Variants in TBC1D5 observed in about 807,000 individuals in gnomAD.
TBC1D5 encodes TBC1 domain family, member 5.
In TBC1D5, 75 loss-of-function variants were observed where a neutral mutation model predicts 100.3. The observed-to-expected ratio is 0.75, with a 90% confidence interval of 0.62 to 0.91. The LOEUF (loss-of-function observed/expected upper bound fraction) is 0.91, where lower values mean the gene tolerates loss of function less well. Among genes scored for constraint, TBC1D5 ranks in the 40% least tolerant of loss-of-function variants. The pLI, the probability that TBC1D5 is intolerant of heterozygous loss-of-function variation, is 0.00. For synonymous variants in TBC1D5, 323 were observed against 325.6 expected, an observed-to-expected ratio of 0.99 and a Z score of 0.09; for missense variants, 910 against 942.4, an observed-to-expected ratio of 0.97 and a Z score of 0.45.
chr3:17,552,256 A>G (rs570573094), intron 2 of TBC1D5, among the ~76,000 whole-genome samples: 1 of 152,274 alleles, frequency 6.6e-6, no homozygotes, highest in East Asian at 1.9e-4. Context: ...AAGCAAAGGA[A>G]CTAACATGGC....
chr3:17,650,336 A>T (rs978538393), intron 1 of TBC1D5, among the ~76,000 whole-genome samples: 1 of 152,186 alleles, frequency 6.6e-6, no homozygotes, highest in Non-Finnish European at 1.5e-5. Flanking sequence ...AAGAGAAAAA[A>T]GATGAAAAAG....
rs143373075 is a variant in TBC1D5, at chr3:17,606,607, G to A, written c.-36+17242C>T. 8.5e-5 allele frequency among the ~76,000 whole-genome samples: 13 copies of A among 152,184 alleles called. No homozygotes were observed. The East Asian group carries it at 2.5e-3, about 29-fold the overall frequency. On this transcript the variant is annotated intron_variant, in intron 2 of 21. Transcript: ENST00000253692. ...TAGAATATATAAATAAAAATTAGCA[G>A]CATAAGAAATGCTTAATTCAATATA...
At chr3:17,264,524 C>T (rs2078656955) in intron 15 of TBC1D5, among the ~76,000 whole-genome samples, 1 of 152,154 alleles carries the variant, frequency 6.6e-6, no homozygotes, top group Non-Finnish European at 1.5e-5. Context: ...AAAGTACCAG[C>T]AGGAGTTAAT....
chr3:17,664,973 G>A (rs1407208922), intron 1 of TBC1D5: 2 of 140,172 alleles, frequency 1.4e-5, no homozygotes, highest in Admixed American at 7.9e-5. Flanking sequence ...AAAGGTTACA[G>A]GCTCTTTTAG....
chr3:17,469,110 T>C (rs1298981657), intron 3 of TBC1D5, among the ~76,000 whole-genome samples: 2 of 152,100 alleles, frequency 1.3e-5, no homozygotes, highest in South Asian at 2.1e-4. Context: ...ACTCCCACAA[T>C]AGTTCCTGAA....
At chr3:17,475,178 CG>C (rs376824681) in intron 3 of TBC1D5, among the ~76,000 whole-genome samples, 1,620 of 151,412 alleles carry the variant, frequency 0.011, 23 homozygotes, top group African/African-American at 0.034. Flanking sequence ...TACCTTGCCC[CG>C]CCCCACCCGT....
Position 17,214,178 on chromosome 3 carries a change from C to T in TBC1D5, c.1752+29G>A, listed in dbSNP as rs748810597. ...GCACTCTAGAGAAGAAAATGAAGAACGAAGAGAAAACTGTCCTTAAATACT... is the reference window on the plus strand; with the variant it reads ...GCACTCTAGAGAAGAAAATGAAGAATGAAGAGAAAACTGTCCTTAAATACT... On this transcript the variant is annotated intron_variant, in intron 18 of 21. Transcript: ENST00000253692. The T allele has an allele frequency of 1.5e-4, 241 of 1,588,010 alleles. 1 individual carries two copies. In the Admixed American group the frequency reaches 3.8e-3, roughly 25 times the overall value.
chr3:17,365,602 G>A (rs577126277), intron 13 of TBC1D5, among the ~76,000 whole-genome samples: 1 of 152,320 alleles, frequency 6.6e-6, no homozygotes, highest in Admixed American at 6.5e-5. Flanking sequence ...AAGATCTGGA[G>A]CTCATTTATT....
intron 13 of TBC1D5, among the ~76,000 whole-genome samples, chr3:17,351,103 A>G (rs528667234): frequency 6.6e-6 from 1 of 152,196 alleles, no homozygotes; most frequent in Non-Finnish European, 1.5e-5. Flanking sequence ...TATTTATTCA[A>G]TAGAGTCAAA....
chr3:17,707,971 G>A (rs950465347), intron 1 of TBC1D5, among the ~76,000 whole-genome samples: 2 of 152,188 alleles, frequency 1.3e-5, no homozygotes, highest in South Asian at 2.1e-4. Context: ...TGACATTCAC[G>A]TTATGCAATC....
At chr3:17,736,119 C>A (rs895226576) in intron 1 of TBC1D5, among the ~76,000 whole-genome samples, 1 of 152,070 alleles carries the variant, frequency 6.6e-6, no homozygotes, top group African/African-American at 2.4e-5. Flanking sequence ...AGTTACAAGC[C>A]CTGTGTTTAA....
intron 16 of TBC1D5, among the ~76,000 whole-genome samples, chr3:17,250,580 G>A (rs960692860): frequency 3.3e-5 from 5 of 152,180 alleles, no homozygotes; most frequent in Non-Finnish European, 7.3e-5. Context: ...TTTCTCAAGC[G>A]CAGAATCATT....
At chr3:17,562,937 C>T (rs1446062475) in intron 2 of TBC1D5, among the ~76,000 whole-genome samples, 3 of 152,084 alleles carry the variant, frequency 2.0e-5, no homozygotes, top group Non-Finnish European at 4.4e-5. Context: ...AAGGGAATAG[C>T]CCTGTAATGC....
intron 2 of TBC1D5, among the ~76,000 whole-genome samples, chr3:17,561,438 T>C (rs2096558473): frequency 6.6e-6 from 1 of 151,994 alleles, no homozygotes; most frequent in African/African-American, 2.4e-5. Flanking sequence ...CTTAAGAAGA[T>C]TATAAAAACA....
intron 2 of TBC1D5, among the ~76,000 whole-genome samples, chr3:17,543,599 C>CTG (rs1413609424): frequency 6.6e-6 from 1 of 152,122 alleles, no homozygotes; most frequent in Non-Finnish European, 1.5e-5. Context: ...GCTTGTGCCA[C>CTG]TGCTTTCCAG....
chr3:17,659,095 G>C (rs1441360722), intron 1 of TBC1D5, among the ~76,000 whole-genome samples: 1 of 152,158 alleles, frequency 6.6e-6, no homozygotes, highest in African/African-American at 2.4e-5. Context: ...TTGTACAGAG[G>C]GGGAAGGGAA....
intron 14 of TBC1D5, among the ~76,000 whole-genome samples, chr3:17,304,437 G>A (rs116805365): frequency 0.018 from 2,738 of 152,170 alleles, 83 homozygotes; most frequent in African/African-American, 0.062. Context: ...ACAGGGTCTT[G>A]CTCTGTCACC....
chr3:17,643,878 C>T (rs922247048), intron 1 of TBC1D5, among the ~76,000 whole-genome samples: 1 of 152,044 alleles, frequency 6.6e-6, no homozygotes, highest in Non-Finnish European at 1.5e-5. Context: ...AATAAAGAGT[C>T]TTGAGCAATC....
At position 17,440,363 on chromosome 3, in the gene TBC1D5, C is replaced by T. The variant is rs11921186; in HGVS notation, c.98-11844G>A. Reference sequence around the variant, plus strand: ...GCTATAGGCCAGGCACAGTGGCTCACACCTGTAATTCTAGCACTTTGGGAG... The same window carrying T: ...GCTATAGGCCAGGCACAGTGGCTCATACCTGTAATTCTAGCACTTTGGGAG... On this transcript the variant is annotated intron_variant, in intron 3 of 21. Transcript: ENST00000253692. Among the ~76,000 whole-genome samples, 817 of 152,254 alleles carry T rather than the reference C, an allele frequency of 5.4e-3. 12 individuals are homozygous for T. Among genetic ancestry groups the T allele is most frequent in the African/African-American group, 0.019 (785 of 41,546 alleles).
Sources: gnomAD v4.1 joint callset for allele counts (sites outside exome capture counted in the v4.1 genomes callset) on GRCh38, gnomAD v4.1.1 for gene constraint, MANE v1.5 for transcripts, NCBI Gene and HGNC (gene_info 2026-07-23, HGNC 2026-07-21) for gene names.